Variants in DAB1 observed in about 807,000 individuals in gnomAD.
DAB1 encodes the protein DAB adaptor protein 1, also known as disabled homolog 1.
A neutral mutation model predicts 64.6 loss-of-function variants in DAB1; 15 were observed. That is an observed-to-expected ratio of 0.23 (90% CI 0.16 to 0.36). The LOEUF (loss-of-function observed/expected upper bound fraction) is 0.36. Among genes scored for constraint, DAB1 ranks in the 10% least tolerant of loss-of-function variants. The pLI is 1.00. For synonymous variants in DAB1, 235 were observed against 251.9 expected, an observed-to-expected ratio of 0.93 and a Z score of 0.64; for missense variants, 596 against 706.7, an observed-to-expected ratio of 0.84 and a Z score of 1.78.
chr1:58,320,518 TAA>T (rs1177769712), intron 4 of DAB1, among the ~76,000 whole-genome samples: 4 of 152,210 alleles, frequency 2.6e-5, no homozygotes, highest in Non-Finnish European at 4.4e-5. Flanking sequence ...CAGCATGGTT[TAA>T]GTGTCAGTGC....
At chr1:58,540,182 A>G (rs1387362638) in intron 1 of DAB1, among the ~76,000 whole-genome samples, 4 of 152,156 alleles carry the variant, frequency 2.6e-5, no homozygotes, top group Non-Finnish European at 4.4e-5. Context: ...CATTAGAGAA[A>G]GATTAGTCTG....
rs768611475 is a variant in DAB1 at position 58,544,103 on chromosome 1, C to A, written n.32+2600G>T. 1.3e-4 allele frequency among the ~76,000 whole-genome samples: 20 copies of A among 152,320 alleles called. No homozygotes were observed. In the East Asian group the frequency reaches 3.3e-3, roughly 25 times the overall value. On this transcript the variant is annotated intron_variant and non_coding_transcript_variant, in intron 1 of 20. Transcript: ENST00000485760. The stretch of plus-strand genomic sequence containing the variant: ...GCAAACAGTTATGATGGAATTTGAA[C>A]TTGCTGTGGCCAAATGATTCAAAAC...
intron 5 of DAB1, among the ~76,000 whole-genome samples, chr1:58,005,092 T>C (rs952304731): frequency 7.9e-5 from 12 of 152,204 alleles, no homozygotes; most frequent in African/African-American, 2.7e-4. Context: ...ATAACTTCAC[T>C]GTAGTGAAGT....
intron 4 of DAB1, among the ~76,000 whole-genome samples, chr1:57,092,473 G>A (rs1334927092): frequency 6.6e-6 from 1 of 151,936 alleles, no homozygotes; most frequent in East Asian, 1.9e-4. Context: ...TTTTATAAAC[G>A]GCAGTTTACC....
intron 7 of DAB1, among the ~76,000 whole-genome samples, chr1:57,558,932 T>G (rs1402460803): frequency 1.3e-5 from 2 of 152,176 alleles, no homozygotes; most frequent in African/African-American, 4.8e-5. Context: ...AATAGATTTG[T>G]GTCAGCAGCA....
chr1:57,150,450 G>A (rs1659550503), intron 2 of DAB1, among the ~76,000 whole-genome samples: 1 of 152,280 alleles, frequency 6.6e-6, no homozygotes, highest in East Asian at 1.9e-4. Context: ...TCCTGCCTCA[G>A]TGTTCTTCAT....
Position 58,184,700 on chromosome 1 carries a change from G to GCTC in DAB1, n.310-34115_310-34113dup, listed in dbSNP as rs574110367. Reference sequence around the variant, plus strand: ...ATGTTCACAGCAGGTGCAAAGGTAAGCTCATGTTCTGGGGAGGTCCACATT... The same window carrying GCTC: ...ATGTTCACAGCAGGTGCAAAGGTAAGCTCCTCATGTTCTGGGGAGGTCCACATT... On this transcript the variant is annotated intron_variant and non_coding_transcript_variant, in intron 4 of 20. Coordinates refer to the DAB1 transcript ENST00000485760. Among the ~76,000 whole-genome samples the GCTC allele has an allele frequency of 6.1e-4, 93 of 152,308 alleles. 1 individual carries two copies. The highest frequency in any genetic ancestry group is 2.2e-3 in the African/African-American group (92 of 41,566).
intron 1 of DAB1, among the ~76,000 whole-genome samples, chr1:57,309,980 C>T (rs530239845): frequency 6.6e-6 from 1 of 152,226 alleles, no homozygotes; most frequent in South Asian, 2.1e-4. Flanking sequence ...CATTCATGCA[C>T]AGACCCCCGC....
At chr1:57,641,072 GTTAA>G (rs2101641720) in intron 7 of DAB1, among the ~76,000 whole-genome samples, 1 of 152,260 alleles carries the variant, frequency 6.6e-6, no homozygotes, top group Admixed American at 6.5e-5. Context: ...GCATTAGTGA[GTTAA>G]TTAGTGTCTT....
intron 4 of DAB1, among the ~76,000 whole-genome samples, chr1:58,198,582 C>T (rs1657821250): frequency 6.6e-6 from 1 of 152,178 alleles, no homozygotes; most frequent in Non-Finnish European, 1.5e-5. Context: ...CCTCTCGTAA[C>T]CAACCTCTTC....
intron 3 of DAB1, among the ~76,000 whole-genome samples, chr1:58,452,655 CAAAAAA>C (rs1245979623): frequency 1.9e-5 from 2 of 105,542 alleles, no homozygotes; most frequent in East Asian, 2.7e-4. Flanking sequence ...ACAAAAATAC[CAAAAAA>C]AAAAAAAAAA....
rs1658133112 is a variant in DAB1 at position 57,136,614 on chromosome 1, C to T, written c.235G>A (p.Gly79Arg). The T allele has an allele frequency of 6.5e-7, 1 of 1,539,440 alleles. No individual in the cohort carries two copies. Among genetic ancestry groups the T allele is most frequent in the Middle Eastern group, 1.7e-4 (1 of 5,750 alleles). Residue 79 changes from glycine (G) to arginine (R), a missense_variant, in exon 4 of 15, where the codon GGA (glycine) becomes AGA (arginine). By Grantham distance (125) the Gly-to-Arg change is moderately radical. Coordinates refer to ENST00000371236, the MANE Select transcript of DAB1 (RefSeq NM_001365792.1). ...AAAAAGATTTTCTGTTTGTGTTCTC[C>T]TTTGGAACGAGCGCCAGCAACAACG... Reference protein sequence around the residue: ...KGVVAGARSKGEHKQKIFLTI... With the variant: ...KGVVAGARSKREHKQKIFLTI...
intron 6 of DAB1, among the ~76,000 whole-genome samples, chr1:57,708,444 G>A (rs1363743583): frequency 6.6e-6 from 1 of 152,202 alleles, no homozygotes; most frequent in East Asian, 1.9e-4. Flanking sequence ...GCAGTCTCTT[G>A]GGCTCTGGTG....
In DAB1 at chr1:57,907,505, T is replaced by C. The variant is rs542586286; in HGVS notation, n.388-23343A>G. On this transcript the variant is annotated intron_variant and non_coding_transcript_variant, in intron 5 of 20. Coordinates refer to the DAB1 transcript ENST00000485760. The stretch of plus-strand genomic sequence containing the variant: ...TTTTAACCTAATTCATACTATGTAA[T>C]AAGTGCTCCTACTTAAGAACAGTGA... Among the ~76,000 whole-genome samples, 4 of 152,326 alleles carry C rather than the reference T, an allele frequency of 2.6e-5. No homozygotes were observed. In the South Asian group the frequency reaches 8.3e-4, roughly 32 times the overall value.
intron 1 of DAB1, among the ~76,000 whole-genome samples, chr1:57,874,605 C>G (rs952890683): frequency 1.3e-5 from 2 of 152,098 alleles, no homozygotes; most frequent in Admixed American, 6.5e-5. Context: ...GAGGAAGAAA[C>G]AGCCATAAAT....
chr1:57,475,267 ACT>A lies in DAB1; in HGVS notation n.625+174323_625+174324del, dbSNP rs1334800621. On this transcript the variant is annotated intron_variant and non_coding_transcript_variant, in intron 7 of 20. Transcript: ENST00000485760. ...ACCCCAGCCTGGGTGACAGAGCAAG[ACT>A]CTGTCCCAAACAAAACAGAACAAAA... Among the ~76,000 whole-genome samples, 6 of 152,244 alleles carry A rather than the reference ACT, an allele frequency of 3.9e-5. No homozygotes were observed. The South Asian group carries it at 8.3e-4, about 21-fold the overall frequency.
intron 3 of DAB1, among the ~76,000 whole-genome samples, chr1:58,488,944 T>C (rs1645625449): frequency 6.6e-6 from 1 of 152,248 alleles, no homozygotes; most frequent in South Asian, 2.1e-4. Context: ...AGATGTGTAC[T>C]TGAAAATATA....
At chr1:57,798,199 A>C (rs1557486893) in intron 6 of DAB1, among the ~76,000 whole-genome samples, 1 of 152,038 alleles carries the variant, frequency 6.6e-6, no homozygotes, top group Non-Finnish European at 1.5e-5. Flanking sequence ...AGTGCTTTCC[A>C]CTCTGAAAAA....
intron 5 of DAB1, among the ~76,000 whole-genome samples, chr1:58,079,364 A>G (rs1477914130): frequency 1.3e-5 from 2 of 152,074 alleles, no homozygotes; most frequent in Non-Finnish European, 2.9e-5. Context: ...TTACCACTGC[A>G]TCATGTACTT....
Sources: gnomAD v4.1 joint callset for allele counts (sites outside exome capture counted in the v4.1 genomes callset) on GRCh38, gnomAD v4.1.1 for gene constraint, MANE v1.5 for transcripts, NCBI Gene and HGNC (gene_info 2026-07-23, HGNC 2026-07-21) for gene names.